Variants in LOXL2 observed in about 807,000 individuals in gnomAD.
LOXL2 encodes the protein lysyl oxidase like 2, also known as lysyl oxidase homolog 2.
A neutral mutation model predicts 93.0 loss-of-function variants in LOXL2; 70 were observed. The ratio of observed to expected loss-of-function variants is 0.75; its 90% CI spans 0.62 to 0.92. The LOEUF (loss-of-function observed/expected upper bound fraction) is 0.92, where lower values mean the gene tolerates loss of function less well. Among genes scored for constraint, LOXL2 ranks in the 40% least tolerant of loss-of-function variants. The pLI is 0.00. For missense variants in LOXL2, 973 were observed against 1,054.9 expected (o/e 0.92, Z 1.08); for synonymous variants, 438 against 413.2 (o/e 1.06, Z -0.73).
At chr8:23,341,840 C>G (rs1803887354) in intron 3 of LOXL2, among the ~76,000 whole-genome samples, 1 of 152,170 alleles carries the variant, frequency 6.6e-6, no homozygotes, top group African/African-American at 2.4e-5. Flanking sequence ...GTTGAGCGTG[C>G]TGTGTGCAGA....
rs369594482 is a variant in LOXL2, at chr8:23,380,732, G to T, written c.-83-12298C>A. ...AAACAAGTGAAAGGAAGAAAATAAG[G>T]GCTGGGCACAGTGGTTCAAGCCTGT... On this transcript the variant is annotated intron_variant, in intron 1 of 13. Transcript: ENST00000389131. Among the ~76,000 whole-genome samples the T allele has an allele frequency of 7.2e-5, 11 of 152,216 alleles. No homozygotes were observed. The East Asian group carries it at 1.4e-3, about 19-fold the overall frequency.
intron 4 of LOXL2, 67 bp from the exon 5 acceptor site, chr8:23,333,690 G>C (rs1803744484): frequency 7.7e-7 from 1 of 1,298,806 alleles, no homozygotes. Flanking sequence ...CTTCTGCAAC[G>C]AGGCAGAACA....
At chr8:23,397,967 A>G (rs2117242117) in intron 1 of LOXL2, among the ~76,000 whole-genome samples, 1 of 151,200 alleles carries the variant, frequency 6.6e-6, no homozygotes, top group East Asian at 1.9e-4. Flanking sequence ...TCTCAAAAAA[A>G]AAAAAAAAAA....
At chr8:23,401,061 C>T (rs1268605032) in intron 1 of LOXL2, among the ~76,000 whole-genome samples, 1 of 152,160 alleles carries the variant, frequency 6.6e-6, no homozygotes, top group East Asian at 1.9e-4. Flanking sequence ...CATGGAGAAC[C>T]AGAACCACCG....
intron 3 of LOXL2, among the ~76,000 whole-genome samples, chr8:23,343,434 G>A (rs538711442): frequency 1.7e-3 from 266 of 152,346 alleles, no homozygotes; most frequent in Admixed American, 4.7e-3. Context: ...CACTGTGGGC[G>A]GGCCAGGGAC....
chr8:23,315,086 G>A (rs1362002375), intron 9 of LOXL2, among the ~76,000 whole-genome samples: 5 of 152,168 alleles, frequency 3.3e-5, no homozygotes, highest in African/African-American at 1.2e-4. Flanking sequence ...GGGGAGAGGA[G>A]GGGAAGCCAC....
At chr8:23,337,608 T>C (rs575895720) in intron 4 of LOXL2, among the ~76,000 whole-genome samples, 3 of 152,336 alleles carry the variant, frequency 2.0e-5, no homozygotes, top group African/African-American at 7.2e-5. Flanking sequence ...GCTGGAGGCC[T>C]TTCTAACTTC....
intron 6 of LOXL2, among the ~76,000 whole-genome samples, chr8:23,325,072 A>T (rs1803557782): frequency 6.6e-6 from 1 of 152,234 alleles, no homozygotes; most frequent in South Asian, 2.1e-4. Context: ...TCAGAAATGC[A>T]GACAAACTGA....
chr8:23,328,464 G>T lies in LOXL2; in HGVS notation c.1068C>A (p.Asp356Glu). ...TGCAGACCACACTGGCCGACACCAG[G>T]TCCCACTTGTCGTCGCAGACGGTCC... ...EWGTVCDDKW[D>E]LVSASVVCRE... The change falls in exon 6 of 14, where the codon GAC becomes GAA. Residue 356 changes from aspartate (D) to glutamate (E), a missense_variant. By Grantham distance (45) the Asp-to-Glu change is conservative. Coordinates refer to ENST00000389131, the MANE Select transcript of LOXL2 (RefSeq NM_002318.3). 1 of 1,614,056 alleles carries T rather than the reference G, an allele frequency of 6.2e-7. No homozygotes were observed. Among genetic ancestry groups the T allele is most frequent in the Non-Finnish European group, 8.5e-7 (1 of 1,180,000 alleles).
intron 2 of LOXL2, among the ~76,000 whole-genome samples, chr8:23,362,246 G>A (rs1376204479): frequency 6.6e-6 from 1 of 152,216 alleles, no homozygotes; most frequent in Non-Finnish European, 1.5e-5. Context: ...GACAAATATT[G>A]TATGGGGTAT....
intron 3 of LOXL2, among the ~76,000 whole-genome samples, chr8:23,352,286 T>G (rs1232571730): frequency 2.0e-5 from 3 of 152,206 alleles, no homozygotes; most frequent in African/African-American, 4.8e-5. Context: ...AACTACCCCC[T>G]GGCTACCATT....
intron 3 of LOXL2, among the ~76,000 whole-genome samples, chr8:23,355,061 C>A (rs562293448): frequency 6.7e-6 from 1 of 149,814 alleles, no homozygotes; most frequent in South Asian, 2.1e-4. Flanking sequence ...CGGGTTCAAC[C>A]TCAACCTCCC....
chr8:23,335,308 C>A (rs55703171), intron 4 of LOXL2, among the ~76,000 whole-genome samples: 8,944 of 152,120 alleles, frequency 0.059, 600 homozygotes, highest in African/African-American at 0.17. Flanking sequence ...GGTGATCTGG[C>A]CACCTCTGCC....
intron 13 of LOXL2, 23 bp downstream of exon 13, chr8:23,298,813 G>C: frequency 2.7e-6 from 4 of 1,494,090 alleles, no homozygotes; most frequent in Non-Finnish European, 1.9e-6. Context: ...CTGCTTCCTG[G>C]AGTGGGGGCG....
chr8:23,372,841 G>C (rs1459971003), intron 1 of LOXL2, among the ~76,000 whole-genome samples: 1 of 152,176 alleles, frequency 6.6e-6, no homozygotes, highest in Non-Finnish European at 1.5e-5. Context: ...AGAAGACACA[G>C]AAAAATCCTG....
intron 3 of LOXL2, among the ~76,000 whole-genome samples, chr8:23,348,546 T>TGA (rs1375548317): frequency 6.6e-6 from 1 of 150,634 alleles, no homozygotes; most frequent in Non-Finnish European, 1.5e-5. Flanking sequence ...CCAGCCTGGG[T>TGA]GACAGAGCGA....
intron 1 of LOXL2, 174 bp downstream of exon 1, chr8:23,403,780 G>T (rs1800182845): frequency 6.6e-6 from 1 of 152,290 alleles, no homozygotes; most frequent in South Asian, 2.1e-4. Context: ...GGGGCGGCAG[G>T]AGGACCCGTT....
chr8:23,316,244 CCA>C (rs779883527), intron 9 of LOXL2, among the ~76,000 whole-genome samples: 2 of 152,214 alleles, frequency 1.3e-5, no homozygotes, highest in Non-Finnish European at 2.9e-5. Flanking sequence ...CAACTAAAGA[CCA>C]CAGAGGCTGA....
chr8:23,332,382 A>G (rs1472608870), intron 5 of LOXL2, among the ~76,000 whole-genome samples: 1 of 103,014 alleles, frequency 9.7e-6, no homozygotes, highest in African/African-American at 3.8e-5. Flanking sequence ...CCCCACATAC[A>G]CACTCATACA....
Sources: allele counts gnomAD v4.1 joint callset (sites outside exome capture counted in the v4.1 genomes callset), GRCh38; gene constraint gnomAD v4.1.1; transcripts MANE v1.5; gene names NCBI Gene and HGNC (gene_info 2026-07-23, HGNC 2026-07-21).